The following CDYL variants were observed in gnomAD, a reference collection of about 807,000 sequenced individuals.
CDYL encodes the protein chromodomain Y-like protein.
Under a neutral mutation model 47.3 loss-of-function variants are expected in CDYL, and 8 were observed. The ratio of observed to expected loss-of-function variants is 0.17; its 90% CI spans 0.10 to 0.31. The LOEUF (loss-of-function observed/expected upper bound fraction) is 0.31. Among genes scored for constraint, CDYL ranks in the 10% least tolerant of loss-of-function variants. The pLI, the probability that CDYL is intolerant of heterozygous loss-of-function variation, is 1.00. For missense variants in CDYL, 471 were observed against 701.4 expected (o/e 0.67, Z 3.71); for synonymous variants, 266 against 265.0 (o/e 1.00, Z -0.04).
At chr6:4,951,185 G>A (rs1293708029) in intron 5 of CDYL, among the ~76,000 whole-genome samples, 1 of 152,094 alleles carries the variant, frequency 6.6e-6, no homozygotes, top group African/African-American at 2.4e-5. Context: ...TGCCTCTTTT[G>A]GAAGTGGAAG....
intron 1 of CDYL, among the ~76,000 whole-genome samples, chr6:4,879,690 C>G (rs1416869181): frequency 6.6e-6 from 1 of 151,518 alleles, no homozygotes; most frequent in Non-Finnish European, 1.5e-5. Flanking sequence ...TCCCAGGTAG[C>G]TGGGATTACA....
intron 1 of CDYL, among the ~76,000 whole-genome samples, chr6:4,870,088 G>A (rs1761432416): frequency 6.6e-6 from 1 of 151,478 alleles, no homozygotes; most frequent in Non-Finnish European, 1.5e-5. Flanking sequence ...GTTATGAGAT[G>A]GGGTCTTGAT....
chr6:4,936,814 T>C (rs1450999907), intron 3 of CDYL, among the ~76,000 whole-genome samples: 1 of 151,348 alleles, frequency 6.6e-6, no homozygotes, highest in Non-Finnish European at 1.5e-5. Flanking sequence ...ATAAGCAACT[T>C]GCCTTATCTA....
intron 2 of CDYL, among the ~76,000 whole-genome samples, chr6:4,723,410 T>C (rs909349396): frequency 1.3e-5 from 2 of 152,014 alleles, no homozygotes; most frequent in Non-Finnish European, 2.9e-5. Context: ...AGACGGACAG[T>C]ACAGCCAAAC....
chr6:4,765,031 GC>G (rs143386065), intron 3 of CDYL, among the ~76,000 whole-genome samples: 5,730 of 152,152 alleles, frequency 0.038, 272 homozygotes, highest in South Asian at 0.11. Context: ...ATGTTATTAA[GC>G]CAGAAATTGG....
At chr6:4,737,198 C>A (rs1037654909) in intron 3 of CDYL, among the ~76,000 whole-genome samples, 19 of 152,014 alleles carry the variant, frequency 1.2e-4, no homozygotes, top group African/African-American at 4.4e-4. Flanking sequence ...CTAAAGGAAA[C>A]CATATGTGAC....
chr6:4,780,596 T>TA (rs150476616), intron 1 of CDYL, among the ~76,000 whole-genome samples: 14,021 of 152,054 alleles, frequency 0.092, 710 homozygotes, highest in Middle Eastern at 0.14. Context: ...GCTTGTTAAG[T>TA]AACTCATCTT....
At chr6:4,846,761 A>G (rs1281630928) in intron 1 of CDYL, among the ~76,000 whole-genome samples, 1 of 152,260 alleles carries the variant, frequency 6.6e-6, no homozygotes, top group Non-Finnish European at 1.5e-5. Flanking sequence ...ATAGTGAATC[A>G]TAATATTTAA....
chr6:4,774,216 C>G (rs1378105104), upstream of CDYL, among the ~76,000 whole-genome samples: 2 of 152,198 alleles, frequency 1.3e-5, no homozygotes, highest in Non-Finnish European at 2.9e-5. Context: ...TTATATGTAT[C>G]TATTTCCTAT....
At chr6:4,933,406 C>T (rs1393869676) in intron 2 of CDYL, among the ~76,000 whole-genome samples, 3 of 152,170 alleles carry the variant, frequency 2.0e-5, no homozygotes, top group Non-Finnish European at 4.4e-5. Context: ...CCCCCAGGCT[C>T]ACATGTTTAG....
At chr6:4,940,151 A>G (rs1352245803) in intron 4 of CDYL, among the ~76,000 whole-genome samples, 2 of 152,186 alleles carry the variant, frequency 1.3e-5, no homozygotes, top group African/African-American at 2.4e-5. Context: ...GTTCACTTTC[A>G]TCAGCTCCCT....
intron 2 of CDYL, among the ~76,000 whole-genome samples, chr6:4,902,960 G>A (rs1757113811): frequency 6.6e-6 from 1 of 152,200 alleles, no homozygotes; most frequent in South Asian, 2.1e-4. Context: ...AGATATTTCA[G>A]TGGTCTTTAG....
At chr6:4,747,380 T>A (rs1246879768) in intron 3 of CDYL, among the ~76,000 whole-genome samples, 1 of 151,760 alleles carries the variant, frequency 6.6e-6, no homozygotes, top group Non-Finnish European at 1.5e-5. Flanking sequence ...TCAAAGAGAA[T>A]CAATAGGATT....
Position 4,768,658 on chromosome 6 carries a change from A to C in CDYL, c.186+33814A>C, listed in dbSNP as rs1758291824. ...AGAATTGTAGATACTTTTTGTAGAC[A>C]CTCTGCCCTCGAGGGGAAACATAAT... On this transcript the variant is annotated intron_variant, in intron 3 of 8. Transcript: ENST00000328908. 3.3e-5 allele frequency among the ~76,000 whole-genome samples: 5 copies of C among 152,166 alleles called. No homozygotes were observed. The South Asian group carries it at 8.3e-4, about 25-fold the overall frequency.
At chr6:4,730,634 A>G (rs371631984) in intron 2 of CDYL, among the ~76,000 whole-genome samples, 95 of 135,512 alleles carry the variant, frequency 7.0e-4, no homozygotes, top group African/African-American at 2.4e-3. Flanking sequence ...AGATTGCGCC[A>G]TTGTACTCCA....
chr6:4,903,236 C>T (rs1757123766), intron 2 of CDYL, among the ~76,000 whole-genome samples: 1 of 152,182 alleles, frequency 6.6e-6, no homozygotes, highest in Non-Finnish European at 1.5e-5. Flanking sequence ...GGCCTGTGCT[C>T]CTGCGCCATG....
chr6:4,771,638 C>G (rs1178952177), upstream of CDYL, among the ~76,000 whole-genome samples: 1 of 152,222 alleles, frequency 6.6e-6, no homozygotes, highest in Non-Finnish European at 1.5e-5. Flanking sequence ...TCCCCCACTT[C>G]TGGTGGGTCT....
chr6:4,907,011 A>G (rs1757258540), intron 2 of CDYL, among the ~76,000 whole-genome samples: 1 of 152,230 alleles, frequency 6.6e-6, no homozygotes. Flanking sequence ...TCTCATGTGC[A>G]TGTAATAAGC....
At chr6:4,946,490 CA>C (rs1310282793) in intron 5 of CDYL, among the ~76,000 whole-genome samples, 3 of 152,168 alleles carry the variant, frequency 2.0e-5, no homozygotes, top group African/African-American at 7.2e-5. Context: ...CCCAGTGAGC[CA>C]ACCCACCCAC....
Sources: gnomAD v4.1 joint callset for allele counts (sites outside exome capture counted in the v4.1 genomes callset) on GRCh38, gnomAD v4.1.1 for gene constraint, MANE v1.5 for transcripts, NCBI Gene and HGNC (gene_info 2026-07-23, HGNC 2026-07-21) for gene names.